MAF: variants seen among roughly 807,000 people sequenced by gnomAD.
MAF encodes the protein MAF bZIP transcription factor, also known as transcription factor Maf.
MAF carries 10 observed loss-of-function variants against 22.0 expected under a neutral mutation model. The ratio of observed to expected loss-of-function variants is 0.45; its 90% CI spans 0.28 to 0.77. The LOEUF (loss-of-function observed/expected upper bound fraction) is 0.77. Ranked by LOEUF, MAF falls within the 30% of genes least tolerant of loss-of-function variation. The pLI, the probability that MAF is intolerant of heterozygous loss-of-function variation, is 0.12. For synonymous variants in MAF, 337 were observed against 255.8 expected (o/e 1.32, Z -3.03); for missense variants, 544 against 548.4 (o/e 0.99, Z 0.08).
At chr16:79,479,120 T>C in the MAF span, among the ~76,000 whole-genome samples, 3,209 of 150,826 alleles carry the variant, frequency 0.021, 109 homozygotes, top group African/African-American at 0.075. Context: ...CATATCTGTA[T>C]ACCATTCTGG....
chr16:79,267,603 C>T, the MAF span, among the ~76,000 whole-genome samples: 1 of 152,190 alleles, frequency 6.6e-6, no homozygotes. Flanking sequence ...AGAGGCACTA[C>T]CTCTGGGATG....
the MAF span, among the ~76,000 whole-genome samples, chr16:79,431,704 C>T: frequency 2.0e-5 from 3 of 152,190 alleles, no homozygotes; most frequent in African/African-American, 4.8e-5. Context: ...TCATAAACCT[C>T]CCGTGATTTC....
chr16:79,452,478 C>T, the MAF span, among the ~76,000 whole-genome samples: 1 of 152,098 alleles, frequency 6.6e-6, no homozygotes, highest in African/African-American at 2.4e-5. Context: ...CCACTGTGTG[C>T]ATGCAAATAC....
the MAF span, among the ~76,000 whole-genome samples, chr16:79,520,496 T>C: frequency 0.087 from 13,194 of 152,228 alleles, 635 homozygotes; most frequent in Middle Eastern, 0.13. Context: ...CGTGTGTGTG[T>C]GTGTGCTTGC....
chr16:79,323,147 T>TTAAAAAA, the MAF span, among the ~76,000 whole-genome samples: 1 of 19,846 alleles, frequency 5.0e-5, no homozygotes, highest in Non-Finnish European at 1.1e-4. Flanking sequence ...AGACTCCATC[T>TTAAAAAA]AAAAAAAAAA....
the MAF span, among the ~76,000 whole-genome samples, chr16:79,416,894 T>G: frequency 6.6e-6 from 1 of 152,166 alleles, no homozygotes; most frequent in Admixed American, 6.5e-5. Flanking sequence ...GACAGCCTTT[T>G]GTTTTTTACT....
the MAF span, among the ~76,000 whole-genome samples, chr16:79,256,283 C>T: frequency 3.9e-5 from 6 of 152,018 alleles, no homozygotes; most frequent in Non-Finnish European, 7.4e-5. Context: ...TCATTGCACC[C>T]GGCCAGCTAG....
the MAF span, among the ~76,000 whole-genome samples, chr16:79,242,761 G>C: frequency 6.6e-6 from 1 of 151,848 alleles, no homozygotes; most frequent in African/African-American, 2.4e-5. Flanking sequence ...ATTCTTTTCA[G>C]CACCACATTG....
chr16:79,437,286 G>A, the MAF span, among the ~76,000 whole-genome samples: 249 of 152,118 alleles, frequency 1.6e-3, 1 homozygote, highest in African/African-American at 5.5e-3. Flanking sequence ...GCTCTCCTTC[G>A]TGCAAATTAC....
At chr16:79,371,376 G>A in the MAF span, among the ~76,000 whole-genome samples, 2 of 152,174 alleles carry the variant, frequency 1.3e-5, no homozygotes, top group African/African-American at 2.4e-5. Flanking sequence ...CCAGATTCAA[G>A]AGCAGGGGAC....
the MAF span, among the ~76,000 whole-genome samples, chr16:79,534,022 C>T: frequency 1.3e-5 from 2 of 152,192 alleles, no homozygotes; most frequent in Admixed American, 1.3e-4. Context: ...CCCCATACTA[C>T]AAGCTCATCT....
chr16:79,259,495 C>T, the MAF span, among the ~76,000 whole-genome samples: 1 of 152,168 alleles, frequency 6.6e-6, no homozygotes, highest in Non-Finnish European at 1.5e-5. Flanking sequence ...GGAGGTGGCT[C>T]CATGACACTA....
chr16:79,584,955 C>T (rs975915348), downstream of MAF, among the ~76,000 whole-genome samples: 13 of 152,128 alleles, frequency 8.5e-5, no homozygotes, highest in African/African-American at 2.9e-4. Flanking sequence ...CTTAACGTAC[C>T]TCCTTTGCAA....
chr16:79,371,862 T>A, the MAF span, among the ~76,000 whole-genome samples: 1 of 152,242 alleles, frequency 6.6e-6, no homozygotes. Context: ...ATCCTGATCT[T>A]GGGCAGAGAG....
At chr16:79,328,820 G>T in the MAF span, among the ~76,000 whole-genome samples, 1 of 152,210 alleles carries the variant, frequency 6.6e-6, no homozygotes, top group Admixed American at 6.5e-5. Context: ...CTCTCTGTCA[G>T]ATTGAATGCC....
intron 1 of MAF, 138 bp downstream of exon 1, chr16:79,598,647 A>G: frequency 4.7e-6 from 7 of 1,504,216 alleles, no homozygotes; most frequent in Admixed American, 4.1e-5. Context: ...GTAGGGGGCC[A>G]AGGGGGCCAA....
the MAF span, among the ~76,000 whole-genome samples, chr16:79,248,751 G>C: frequency 2.0e-5 from 3 of 151,478 alleles, no homozygotes; most frequent in East Asian, 5.8e-4. Flanking sequence ...TTGAATTCCA[G>C]ATGATGCCTA....
chr16:79,260,973 T>A, the MAF span, among the ~76,000 whole-genome samples: 3 of 151,744 alleles, frequency 2.0e-5, no homozygotes, highest in Non-Finnish European at 4.4e-5. Context: ...CCCTGGGGTG[T>A]AGGTCAGGGT....
chr16:79,474,573 C>T, the MAF span, among the ~76,000 whole-genome samples: 4 of 152,172 alleles, frequency 2.6e-5, no homozygotes, highest in East Asian at 3.9e-4. Flanking sequence ...GGCTAGGAGA[C>T]GTGCAGGGAG....
Sources: allele counts gnomAD v4.1 joint callset (sites outside exome capture counted in the v4.1 genomes callset), GRCh38; gene constraint gnomAD v4.1.1; transcripts MANE v1.5; gene names NCBI Gene and HGNC (gene_info 2026-07-23, HGNC 2026-07-21).